LRRC38: variants seen among roughly 807,000 people sequenced by gnomAD.
LRRC38 encodes the protein leucine rich repeat containing 38, also known as leucine-rich repeat-containing protein 38.
Under a neutral mutation model 16.4 loss-of-function variants are expected in LRRC38, and 5 were observed. The observed-to-expected ratio is 0.31, with a 90% CI of 0.16 to 0.64. The LOEUF is 0.64. LRRC38 is among the 30% of genes least tolerant of loss of function. The pLI is 0.80. For synonymous variants in LRRC38, 191 were observed against 190.2 expected (o/e 1.00, Z -0.04); for missense variants, 341 against 401.8 (o/e 0.85, Z 1.29).
chr1:13,507,286 C>G (rs552361036), intron 1 of LRRC38, among the ~76,000 whole-genome samples: 1 of 152,186 alleles, frequency 6.6e-6, no homozygotes, highest in East Asian at 1.9e-4. Flanking sequence ...TGACTCAACT[C>G]TAAGGGACAA....
chr1:13,486,871 G>A (rs1048458203), intron 1 of LRRC38, among the ~76,000 whole-genome samples: 3 of 152,098 alleles, frequency 2.0e-5, no homozygotes, highest in South Asian at 4.1e-4. Flanking sequence ...GATTACAGGC[G>A]TGTGCCACTG....
At chr1:13,486,686 G>A (rs1292439028) in intron 1 of LRRC38, among the ~76,000 whole-genome samples, 1 of 151,340 alleles carries the variant, frequency 6.6e-6, no homozygotes, top group Non-Finnish European at 1.5e-5. Context: ...CACCTCCTGG[G>A]TTCAACCGAT....
At chr1:13,505,440 G>C (rs1341057800) in intron 1 of LRRC38, among the ~76,000 whole-genome samples, 1 of 152,116 alleles carries the variant, frequency 6.6e-6, no homozygotes, top group Non-Finnish European at 1.5e-5. Flanking sequence ...GCCACCGAGG[G>C]GTATTTGCTG....
At chr1:13,500,121 T>C (rs1036243091) in intron 1 of LRRC38, among the ~76,000 whole-genome samples, 26 of 151,674 alleles carry the variant, frequency 1.7e-4, no homozygotes, top group Non-Finnish European at 3.5e-4. Flanking sequence ...CTGGGTAGCA[T>C]GTGCGCGCCT....
chr1:13,496,169 A>ATG (rs1639077156), intron 1 of LRRC38, among the ~76,000 whole-genome samples: 2 of 151,658 alleles, frequency 1.3e-5, no homozygotes, highest in South Asian at 4.2e-4. Flanking sequence ...ATATATATAT[A>ATG]TTACGGAGAG....
intron 1 of LRRC38, among the ~76,000 whole-genome samples, chr1:13,499,891 A>G (rs1328499749): frequency 1.3e-5 from 2 of 152,180 alleles, no homozygotes; most frequent in Non-Finnish European, 2.9e-5. Context: ...ACTAAGCCAA[A>G]GGGAAAAGTC....
chr1:13,500,127 C>T (rs974863372), intron 1 of LRRC38, among the ~76,000 whole-genome samples: 5 of 151,792 alleles, frequency 3.3e-5, no homozygotes, highest in African/African-American at 9.7e-5. Flanking sequence ...AGCATGTGCG[C>T]GCCTATAATC....
intron 1 of LRRC38, among the ~76,000 whole-genome samples, chr1:13,481,690 C>T (rs150703190): frequency 0.011 from 1,621 of 152,088 alleles, 10 homozygotes; most frequent in South Asian, 0.034. Flanking sequence ...TCACCGTGCC[C>T]GGCCAATGTG....
intron 1 of LRRC38, among the ~76,000 whole-genome samples, chr1:13,478,173 T>C (rs1462434547): frequency 6.6e-6 from 1 of 152,216 alleles, no homozygotes; most frequent in Non-Finnish European, 1.5e-5. Flanking sequence ...GAATGAATGG[T>C]ATTAGAATGC....
At chr1:13,501,306 AAG>A (rs1383117911) in intron 1 of LRRC38, among the ~76,000 whole-genome samples, 2 of 152,122 alleles carry the variant, frequency 1.3e-5, no homozygotes, top group Non-Finnish European at 2.9e-5. Context: ...AAGATGTTAA[AAG>A]AGGGGAAACT....
intron 1 of LRRC38, among the ~76,000 whole-genome samples, chr1:13,500,204 G>A (rs1451556116): frequency 1.3e-5 from 2 of 150,620 alleles, no homozygotes; most frequent in Non-Finnish European, 2.9e-5. Context: ...GCAGTGAGCC[G>A]AGATCATGCC....
intron 1 of LRRC38, among the ~76,000 whole-genome samples, chr1:13,507,367 G>A (rs1557505576): frequency 6.6e-6 from 1 of 152,228 alleles, no homozygotes; most frequent in African/African-American, 2.4e-5. Context: ...GAGGTCACTT[G>A]CATGAAAACC....
At chr1:13,486,895 T>A (rs1329293742) in intron 1 of LRRC38, among the ~76,000 whole-genome samples, 2 of 152,102 alleles carry the variant, frequency 1.3e-5, no homozygotes, top group Non-Finnish European at 2.9e-5. Context: ...CTACCCTAAC[T>A]TTCTTAAAAT....
At chr1:13,478,841 T>C (rs1638818310) in intron 1 of LRRC38, among the ~76,000 whole-genome samples, 1 of 152,162 alleles carries the variant, frequency 6.6e-6, no homozygotes, top group Admixed American at 6.5e-5. Context: ...TCCTTCCTTC[T>C]GTCCTGCCCC....
intron 1 of LRRC38, among the ~76,000 whole-genome samples, chr1:13,500,588 A>C (rs573328945): frequency 1.9e-4 from 29 of 152,230 alleles, no homozygotes; most frequent in Non-Finnish European, 4.0e-4. Context: ...GACCGAACCA[A>C]GGTACATCTA....
chr1:13,475,975 A>G lies in LRRC38; in HGVS notation c.756T>C (p.Ile252=). Residue 252 remains isoleucine, a synonymous_variant, in exon 2 of 2, where the codon ATT becomes ATC. Transcript: ENST00000376085. This position sits in a 1 kb window ranked among gnomAD's most constrained non-coding sequence, Gnocchi z 4.3. ...SLSLTDLCII[I]FSGVAVSIAA... ...CAATGGACACGGCCACACCGGAGAA[A>G]ATGATGATGCAGAGGTCTGTGAGTG... 5.8e-6 allele frequency: 9 copies of G among 1,550,564 alleles called. No homozygotes were observed. The highest frequency in any genetic ancestry group is 7.8e-6 in the Non-Finnish European group (9 of 1,146,980).
chr1:13,510,587 C>CA, intron 1 of LRRC38, among the ~76,000 whole-genome samples: 2 of 145,698 alleles, frequency 1.4e-5, no homozygotes, highest in South Asian at 4.3e-4. Context: ...GATTTGAAGG[C>CA]AAGCAGCTTG....
chr1:13,499,192 A>G (rs926637910), intron 1 of LRRC38, among the ~76,000 whole-genome samples: 2 of 152,070 alleles, frequency 1.3e-5, no homozygotes, highest in African/African-American at 4.8e-5. Flanking sequence ...TCCGCCTCCC[A>G]GGTTCAAGCA....
intron 1 of LRRC38, among the ~76,000 whole-genome samples, chr1:13,476,510 G>A (rs1040400963): frequency 2.0e-5 from 3 of 152,118 alleles, no homozygotes; most frequent in African/African-American, 7.2e-5. Context: ...AGTATTTTTA[G>A]TAGAGACAGG....
Sources: gnomAD v4.1 joint callset for allele counts (sites outside exome capture counted in the v4.1 genomes callset) on GRCh38, gnomAD v4.1.1 for gene constraint, Gnocchi (gnomAD v3.1) non-coding constraint, MANE v1.5 for transcripts, NCBI Gene and HGNC (gene_info 2026-07-23, HGNC 2026-07-21) for gene names.